The following DKK2 variants were observed in gnomAD, a reference collection of about 807,000 sequenced individuals.
DKK2 encodes the protein dickkopf-related protein 2.
Under a neutral mutation model 28.1 loss-of-function variants are expected in DKK2, and 11 were observed. The ratio of observed to expected loss-of-function variants is 0.39; its 90% confidence interval spans 0.25 to 0.65. The LOEUF (loss-of-function observed/expected upper bound fraction) is 0.65, where lower values mean the gene tolerates loss of function less well. Ranked by LOEUF, DKK2 falls within the 30% of genes least tolerant of loss-of-function variation. The pLI is 0.47. For missense variants in DKK2, 326 were observed against 335.5 expected, an observed-to-expected ratio of 0.97 and a Z score of 0.22; for synonymous variants, 135 against 126.5, an observed-to-expected ratio of 1.07 and a Z score of -0.45.
intron 1 of DKK2, among the ~76,000 whole-genome samples, chr4:107,023,872 T>C (rs1397018475): frequency 6.6e-6 from 1 of 152,168 alleles, no homozygotes; most frequent in Non-Finnish European, 1.5e-5. Flanking sequence ...TTTGCCCTTA[T>C]ATTATTATAT....
intron 1 of DKK2, among the ~76,000 whole-genome samples, chr4:107,023,653 C>T (rs905886924): frequency 2.0e-5 from 3 of 151,996 alleles, no homozygotes; most frequent in Admixed American, 1.3e-4. Context: ...AATGTATCAA[C>T]ATTGACTCAT....
chr4:107,016,931 G>A (rs530309431), intron 1 of DKK2, among the ~76,000 whole-genome samples: 3 of 151,902 alleles, frequency 2.0e-5, no homozygotes, highest in African/African-American at 4.8e-5. Context: ...TTCAAGAGAG[G>A]CATTTTGCCT....
At chr4:106,960,863 G>A (rs773634972) in intron 1 of DKK2, among the ~76,000 whole-genome samples, 3 of 151,882 alleles carry the variant, frequency 2.0e-5, no homozygotes, top group Non-Finnish European at 4.4e-5. Flanking sequence ...GAAGTGGACT[G>A]GTTTATATTT....
At position 106,925,822 on chromosome 4, in the gene DKK2, C is replaced by T; in HGVS notation, c.350G>A (p.Cys117Tyr). ...ACCATTATTGCAGCGGGTACTGGGG[C>T]AGCACATGCCATCTCGGTGGCAGCG... ...KKRCHRDGMC[C>Y]PSTRCNNGIC... Residue 117 changes from cysteine (C) to tyrosine (Y), a missense_variant, in exon 2 of 4, where the codon TGC (cysteine) becomes TAC (tyrosine). Coordinates refer to ENST00000285311, the MANE Select transcript of DKK2 (RefSeq NM_014421.3). The T allele has an allele frequency of 3.1e-6, 5 of 1,612,240 alleles. No homozygotes were observed. The highest frequency in any genetic ancestry group is 4.2e-6 in the Non-Finnish European group (5 of 1,179,248).
intron 1 of DKK2, among the ~76,000 whole-genome samples, chr4:107,030,463 A>G (rs1026166891): frequency 2.0e-5 from 3 of 152,060 alleles, no homozygotes; most frequent in African/African-American, 7.2e-5. Context: ...ATGCTTTTGG[A>G]CTGTTAAAAA....
At chr4:106,944,911 G>C (rs1481283328) in intron 1 of DKK2, among the ~76,000 whole-genome samples, 1 of 152,042 alleles carries the variant, frequency 6.6e-6, no homozygotes, top group East Asian at 1.9e-4. Context: ...ACATTTCCTA[G>C]GTTTAAATGA....
chr4:107,020,792 C>T (rs1458332722), intron 1 of DKK2, among the ~76,000 whole-genome samples: 3 of 151,946 alleles, frequency 2.0e-5, no homozygotes, highest in African/African-American at 7.2e-5. Flanking sequence ...TCTGTGCGCA[C>T]ATTTTAACTA....
At chr4:106,947,385 T>C (rs1724792627) in intron 1 of DKK2, among the ~76,000 whole-genome samples, 1 of 152,134 alleles carries the variant, frequency 6.6e-6, no homozygotes, top group Non-Finnish European at 1.5e-5. Flanking sequence ...TACCGTACCC[T>C]GTGACAACAG....
intron 1 of DKK2, among the ~76,000 whole-genome samples, chr4:107,023,744 T>C (rs1203115310): frequency 6.6e-6 from 1 of 152,078 alleles, no homozygotes; most frequent in Non-Finnish European, 1.5e-5. Flanking sequence ...AGGGAGTTTA[T>C]GGAAACTGAC....
intron 1 of DKK2, among the ~76,000 whole-genome samples, chr4:107,032,745 T>C (rs572067972): frequency 5.3e-5 from 8 of 152,108 alleles, no homozygotes; most frequent in African/African-American, 1.9e-4. Context: ...ATAAAACTTA[T>C]TAGGTCTTAG....
chr4:106,925,765 A>C (rs1325601509), intron 2 of DKK2, 34 bp downstream of exon 2: 2 of 1,579,520 alleles, frequency 1.3e-6, no homozygotes, highest in African/African-American at 1.4e-5. Context: ...GATGAAAAGA[A>C]AGAGGCCCAT....
At chr4:106,935,385 C>T (rs554945076) in intron 1 of DKK2, among the ~76,000 whole-genome samples, 1 of 152,338 alleles carries the variant, frequency 6.6e-6, no homozygotes, top group East Asian at 1.9e-4. Flanking sequence ...GTCACTCCCA[C>T]CCGAATACTG....
At chr4:106,941,431 T>C (rs1724697509) in intron 1 of DKK2, among the ~76,000 whole-genome samples, 1 of 152,200 alleles carries the variant, frequency 6.6e-6, no homozygotes, top group Non-Finnish European at 1.5e-5. Context: ...TTTTACTATC[T>C]GTATGCCTTC....
At chr4:106,932,827 A>C (rs1459244724) in intron 1 of DKK2, among the ~76,000 whole-genome samples, 1 of 152,222 alleles carries the variant, frequency 6.6e-6, no homozygotes, top group South Asian at 2.1e-4. Flanking sequence ...TTGCCTTATA[A>C]ATTTTCCTGA....
intron 1 of DKK2, among the ~76,000 whole-genome samples, chr4:106,968,595 T>G (rs1474959572): frequency 7.1e-6 from 1 of 141,328 alleles, no homozygotes; most frequent in Non-Finnish European, 1.5e-5. Flanking sequence ...TTAAAATTAT[T>G]GCAAACATTA....
chr4:106,973,964 T>C (rs941812299), intron 1 of DKK2, among the ~76,000 whole-genome samples: 1 of 152,172 alleles, frequency 6.6e-6, no homozygotes, highest in African/African-American at 2.4e-5. Flanking sequence ...GGCTAGCCAG[T>C]TTCCCAACAC....
intron 1 of DKK2, among the ~76,000 whole-genome samples, chr4:106,955,184 T>C (rs768170838): frequency 1.5e-4 from 23 of 152,298 alleles, no homozygotes; most frequent in Non-Finnish European, 2.6e-4. Flanking sequence ...CTTTTATTTT[T>C]TCTTTTAATG....
At chr4:106,947,076 G>A (rs1034013807) in intron 1 of DKK2, among the ~76,000 whole-genome samples, 1 of 152,108 alleles carries the variant, frequency 6.6e-6, no homozygotes, top group Non-Finnish European at 1.5e-5. Context: ...ACTCATTCAG[G>A]TGCTGACAAA....
intron 1 of DKK2, among the ~76,000 whole-genome samples, chr4:106,931,787 C>T (rs1268625445): frequency 1.3e-5 from 2 of 152,080 alleles, no homozygotes; most frequent in Non-Finnish European, 2.9e-5. Flanking sequence ...ATTCTGCCTA[C>T]AGAATTTCCA....
Sources: allele counts gnomAD v4.1 joint callset (sites outside exome capture counted in the v4.1 genomes callset), GRCh38; gene constraint gnomAD v4.1.1; transcripts MANE v1.5; gene names NCBI Gene and HGNC (gene_info 2026-07-23, HGNC 2026-07-21).